Variants in CCNJL observed in about 807,000 individuals in gnomAD.
The protein encoded by CCNJL is cyclin J like, also known as cyclin-J-like protein.
CCNJL carries 33 observed loss-of-function variants against 33.4 expected under a neutral mutation model. The ratio of observed to expected loss-of-function variants is 0.99; its 90% CI spans 0.75 to 1.32. The LOEUF (loss-of-function observed/expected upper bound fraction) is 1.32. Among genes scored for constraint, CCNJL ranks in the 40% most tolerant of loss-of-function variants. The pLI, the probability that CCNJL is intolerant of heterozygous loss-of-function variation, is 0.00. For missense variants in CCNJL, 512 were observed against 499.7 expected (o/e 1.02, Z -0.23); for synonymous variants, 227 against 220.9 (o/e 1.03, Z -0.24).
At chr5:160,295,523 AG>A (rs1762725967) in intron 2 of CCNJL, among the ~76,000 whole-genome samples, 2 of 152,160 alleles carry the variant, frequency 1.3e-5, no homozygotes, top group South Asian at 4.1e-4. Context: ...GAGTCTTTAC[AG>A]ATGCAATCAA....
intron 2 of CCNJL, among the ~76,000 whole-genome samples, chr5:160,305,250 T>TA (rs910368824): frequency 6.6e-6 from 1 of 152,122 alleles, no homozygotes; most frequent in African/African-American, 2.4e-5. Flanking sequence ...CAGGAGTCAC[T>TA]AAAAAAATAA....
chr5:160,251,074 G>GC lies in CCNJL; in HGVS notation c.*2303dup, dbSNP rs1239010774. The stretch of plus-strand genomic sequence containing the variant: ...GTGGCTAGGTACTAGTCTAGATGTT[G>GC]CTGTCAAGGTATTTTTAGATGTGAT... On this transcript the variant is annotated 3_prime_UTR_variant, in exon 6 of 6. Coordinates refer to ENST00000257536, the MANE Select transcript of CCNJL (RefSeq NM_001308173.3). 6.6e-6 allele frequency: 1 copy of GC among 152,176 alleles called. No homozygotes were observed. Among genetic ancestry groups the GC allele is most frequent in the Non-Finnish European group, 1.5e-5 (1 of 68,032 alleles). 9.4% of individuals were successfully genotyped at this position (152,176 alleles called of 1,614,324 possible). A position where few individuals can be genotyped will look rare whatever the true frequency, so the allele number is the denominator to read the frequency against.
chr5:160,301,762 CTT>C (rs1455297838), intron 2 of CCNJL, among the ~76,000 whole-genome samples: 2 of 144,008 alleles, frequency 1.4e-5, no homozygotes, highest in Non-Finnish European at 3.0e-5. Context: ...AACAGTCTCT[CTT>C]TGTCACCCAG....
intron 3 of CCNJL, among the ~76,000 whole-genome samples, chr5:160,280,011 C>T (rs1353940433): frequency 1.3e-5 from 2 of 152,250 alleles, no homozygotes; most frequent in Non-Finnish European, 2.9e-5. Context: ...GGGCTGTGCC[C>T]AGGCCTGGTG....
At chr5:160,307,940 G>A (rs2113449123) in intron 2 of CCNJL, among the ~76,000 whole-genome samples, 1 of 152,310 alleles carries the variant, frequency 6.6e-6, no homozygotes, top group Non-Finnish European at 1.5e-5. Flanking sequence ...GGGATGCCAG[G>A]CTGCTTAGAG....
chr5:160,303,700 C>CTCTGTG (rs1554123408), intron 2 of CCNJL, among the ~76,000 whole-genome samples: 1 of 104,232 alleles, frequency 9.6e-6, no homozygotes, highest in African/African-American at 3.9e-5. Flanking sequence ...CTCTGTGTGT[C>CTCTGTG]TGTGTGTGTG....
intron 3 of CCNJL, among the ~76,000 whole-genome samples, chr5:160,270,181 C>T (rs1026118188): frequency 1.3e-5 from 2 of 151,512 alleles, no homozygotes; most frequent in Non-Finnish European, 2.9e-5. Context: ...CAGTGGCTCA[C>T]GCCTGTAATC....
chr5:160,292,459 A>C (rs1418996228), intron 2 of CCNJL, among the ~76,000 whole-genome samples: 1 of 152,080 alleles, frequency 6.6e-6, no homozygotes, highest in Non-Finnish European at 1.5e-5. Context: ...TCATCTCTAC[A>C]AAAGATAAAA....
At chr5:160,327,588 G>C (rs1239192804) in intron 1 of CCNJL, among the ~76,000 whole-genome samples, 1 of 152,240 alleles carries the variant, frequency 6.6e-6, no homozygotes, top group Non-Finnish European at 1.5e-5. Context: ...TTAATGCCCA[G>C]AGGCAGCCCC....
In CCNJL at chr5:160,253,529, T is replaced by TGGTACGGGGTTG; in HGVS notation, c.1012_1013insCAACCCCGTACC (p.Leu337_Gln338insProThrProTyr). 6.2e-7 allele frequency: 1 copy of TGGTACGGGGTTG among 1,614,200 alleles called. No homozygotes were observed. The highest frequency in any genetic ancestry group is 1.3e-5 in the African/African-American group (1 of 75,058). On this transcript the variant is annotated inframe_insertion, in exon 6 of 6. Coordinates refer to ENST00000257536, the MANE Select transcript of CCNJL (RefSeq NM_001308173.3). ...GGGCACGGGACACATATCCAAGGGCTGCAGCGGTTGGTACGGGGTGTGGAG... is the reference window on the plus strand; with the variant it reads ...GGGCACGGGACACATATCCAAGGGCTGGTACGGGGTTGGCAGCGGTTGGTACGGGGTGTGGAG...
chr5:160,259,469 C>T lies in CCNJL; in HGVS notation c.583G>A (p.Asp195Asn), dbSNP rs772953901. 28 of 1,608,520 alleles carry T rather than the reference C, an allele frequency of 1.7e-5. No homozygotes were observed. The highest frequency in any genetic ancestry group is 2.3e-5 in the Non-Finnish European group (27 of 1,176,608). The change falls in exon 4 of 6, where the codon GAT (aspartate) becomes AAT (asparagine). Residue 195 changes from aspartate (D) to asparagine (N), a missense_variant and splice_region_variant. Coordinates refer to ENST00000257536, the MANE Select transcript of CCNJL (RefSeq NM_001308173.3). The part of the protein sequence containing the change: ...AHYFLEVTLQ[D>N]HIFYKFQPSV... ...CCTGCCATCGGGTCCCAGCTGTCAC[C>T]TTGCAGGGTGACCTCTAGGAAGTAA... is the stretch of plus-strand genomic sequence containing the variant.
In CCNJL at chr5:160,283,716, T is replaced by C. The variant is rs372633327; in HGVS notation, c.67-2978A>G. ...TGTGCAATACAATAGTATGTCTTAT[T>C]CATTCTTTATATATTTTTTGTACCC... On this transcript the variant is annotated intron_variant, in intron 2 of 5. Transcript: ENST00000257536. Among the ~76,000 whole-genome samples the C allele has an allele frequency of 2.2e-3, 331 of 152,306 alleles. 1 individual carries two copies. Among genetic ancestry groups the C allele is most frequent in the African/African-American group, 7.6e-3 (316 of 41,548 alleles).
chr5:160,323,626 G>A (rs1484536707), intron 1 of CCNJL, among the ~76,000 whole-genome samples: 1 of 152,182 alleles, frequency 6.6e-6, no homozygotes, highest in African/African-American at 2.4e-5. Context: ...AAATTGTTGT[G>A]ATGAAGGGTG....
intron 2 of CCNJL, among the ~76,000 whole-genome samples, chr5:160,303,314 T>C (rs926489187): frequency 8.5e-5 from 13 of 152,268 alleles, no homozygotes; most frequent in Middle Eastern, 3.4e-3. Flanking sequence ...CAAGCGATTC[T>C]CCTGCCTCGG....
chr5:160,323,980 A>G (rs983830657), intron 1 of CCNJL, among the ~76,000 whole-genome samples: 11 of 152,166 alleles, frequency 7.2e-5, no homozygotes, highest in African/African-American at 2.2e-4. Context: ...TCTGGTGCTC[A>G]GGCCTGTGGG....
intron 2 of CCNJL, among the ~76,000 whole-genome samples, chr5:160,281,656 GT>G (rs1226442959): frequency 1.3e-5 from 2 of 151,982 alleles, no homozygotes; most frequent in African/African-American, 2.4e-5. Context: ...TTGTTTGTTT[GT>G]TTGTTTGTTT....
chr5:160,305,996 G>A (rs915846577), intron 2 of CCNJL, among the ~76,000 whole-genome samples: 32 of 152,230 alleles, frequency 2.1e-4, no homozygotes, highest in Admixed American at 6.5e-4. Context: ...AAATGTGGCC[G>A]GGAACAGTGG....
intron 2 of CCNJL, among the ~76,000 whole-genome samples, chr5:160,299,386 A>T (rs1036149732): frequency 2.1e-4 from 32 of 152,052 alleles, no homozygotes; most frequent in African/African-American, 7.7e-4. Context: ...TCCTGACCTC[A>T]GGTGATCCAC....
chr5:160,321,328 A>G (rs529656699), intron 1 of CCNJL, among the ~76,000 whole-genome samples: 2 of 152,118 alleles, frequency 1.3e-5, no homozygotes, highest in East Asian at 1.9e-4. Flanking sequence ...ATAAACAGGA[A>G]GGAGACTGAG....
Sources: gnomAD v4.1 joint callset for allele counts (sites outside exome capture counted in the v4.1 genomes callset) on GRCh38, gnomAD v4.1.1 for gene constraint, MANE v1.5 for transcripts, NCBI Gene and HGNC (gene_info 2026-07-23, HGNC 2026-07-21) for gene names.